The following LRP1B variants were observed in gnomAD, a reference collection of about 807,000 sequenced individuals.
The protein encoded by LRP1B is LDL receptor related protein 1B, also known as low-density lipoprotein receptor-related protein 1B.
A neutral mutation model predicts 556.6 loss-of-function variants in LRP1B; 217 were observed. The ratio of observed to expected loss-of-function variants is 0.39; its 90% CI spans 0.35 to 0.44. The LOEUF (loss-of-function observed/expected upper bound fraction) is 0.44, where lower values mean the gene tolerates loss of function less well. Among genes scored for constraint, LRP1B ranks in the 20% least tolerant of loss-of-function variants. The probability of loss-of-function intolerance (pLI) is 1.00; values close to 1 mark genes in which losing one functional copy is unlikely to be tolerated. For missense variants in LRP1B, 5,053 were observed against 5,620.8 expected (o/e 0.90, Z 3.23); for synonymous variants, 2,047 against 1,865.8 (o/e 1.10, Z -2.50).
chr2:141,274,676 T>G (rs180920658), intron 3 of LRP1B, among the ~76,000 whole-genome samples: 1 of 152,212 alleles, frequency 6.6e-6, no homozygotes, highest in East Asian at 1.9e-4. Flanking sequence ...TAGATTTTCA[T>G]ACTTCAGTTG....
At chr2:140,531,221 T>C (rs1310769875) in intron 47 of LRP1B, among the ~76,000 whole-genome samples, 1 of 152,144 alleles carries the variant, frequency 6.6e-6, no homozygotes, top group Non-Finnish European at 1.5e-5. Context: ...TTCCTGCACA[T>C]TCTTTCTTGA....
intron 32 of LRP1B, among the ~76,000 whole-genome samples, chr2:140,785,347 G>C (rs1467318675): frequency 6.6e-6 from 1 of 152,118 alleles, no homozygotes; most frequent in African/African-American, 2.4e-5. Flanking sequence ...AATTGAGAGA[G>C]AGGCAAAAGA....
chr2:141,092,611 A>C (rs1319563139), intron 7 of LRP1B, among the ~76,000 whole-genome samples: 1 of 152,182 alleles, frequency 6.6e-6, no homozygotes, highest in Non-Finnish European at 1.5e-5. Context: ...ATGAACCTAA[A>C]ATATTTCACA....
At chr2:141,984,640 G>C (rs1325431419) in intron 1 of LRP1B, among the ~76,000 whole-genome samples, 1 of 151,982 alleles carries the variant, frequency 6.6e-6, no homozygotes, top group Admixed American at 6.6e-5. Flanking sequence ...TTGCTATACT[G>C]ATATTTTAAG....
chr2:140,814,074 A>C (rs1691021859), intron 31 of LRP1B, among the ~76,000 whole-genome samples: 1 of 152,284 alleles, frequency 6.6e-6, no homozygotes, highest in Admixed American at 6.5e-5. Flanking sequence ...TCCCAGGCTC[A>C]TGCAATCCTC....
intron 2 of LRP1B, among the ~76,000 whole-genome samples, chr2:141,737,715 G>T (rs1443232637): frequency 6.6e-6 from 1 of 152,118 alleles, no homozygotes; most frequent in Non-Finnish European, 1.5e-5. Flanking sequence ...ATAGTGGATT[G>T]CTTGTAAATC....
At position 140,702,281 on chromosome 2, in the gene LRP1B, C is replaced by A. The variant is rs1686674300; in HGVS notation, c.6162G>T (p.Leu2054Phe). ...GISIDYEENK[L>F]YWCDARTDKI... The stretch of plus-strand genomic sequence containing the variant: ...TGTCTGTGCGAGCATCACACCAGTA[C>A]AATTTATTTTCCTAAATATCGATTA... Residue 2054 changes from leucine to phenylalanine, a missense_variant, in exon 39 of 91, where the codon TTG (leucine) becomes TTT (phenylalanine). Leu to Phe is a conservative substitution (Grantham distance 22, BLOSUM62 0). Coordinates refer to ENST00000389484, the MANE Select transcript of LRP1B (RefSeq NM_018557.3). 6.2e-7 allele frequency: 1 copy of A among 1,613,114 alleles called. No individual in the cohort carries two copies. The highest frequency in any genetic ancestry group is 8.5e-7 in the Non-Finnish European group (1 of 1,179,632).
chr2:140,996,844 C>T lies in LRP1B; in HGVS notation c.2504-2709G>A, dbSNP rs150791831. Among the ~76,000 whole-genome samples the T allele has an allele frequency of 3.5e-3, 536 of 152,016 alleles. 2 individuals carry two copies. The highest frequency in any genetic ancestry group is 0.01 in the Middle Eastern group (3 of 294). Reference sequence around the variant, plus strand: ...AGACAGAACGAAGAGAGTCAAAGTTCCACCTACACTCAAAAGAGTGAATAT... The same window carrying T: ...AGACAGAACGAAGAGAGTCAAAGTTTCACCTACACTCAAAAGAGTGAATAT... On this transcript the variant is annotated intron_variant, in intron 15 of 90. Transcript: ENST00000389484.
chr2:141,639,824 C>T (rs1574178415), intron 2 of LRP1B, among the ~76,000 whole-genome samples: 1 of 152,154 alleles, frequency 6.6e-6, no homozygotes, highest in African/African-American at 2.4e-5. Context: ...TTTTTTTACA[C>T]ATGTGTTTTA....
At chr2:140,861,863 A>T (rs191902709) in intron 27 of LRP1B, among the ~76,000 whole-genome samples, 1 of 152,302 alleles carries the variant, frequency 6.6e-6, no homozygotes, top group Admixed American at 6.5e-5. Context: ...GGCTAGTGTT[A>T]GCTTGAAACT....
intron 1 of LRP1B, among the ~76,000 whole-genome samples, chr2:141,932,034 C>T (rs543795484): frequency 6.6e-6 from 1 of 151,926 alleles, no homozygotes; most frequent in Admixed American, 6.6e-5. Context: ...AGCAAAGACA[C>T]AGCAGGTGGA....
At chr2:140,664,031 G>A (rs959921350) in intron 41 of LRP1B, among the ~76,000 whole-genome samples, 3 of 152,148 alleles carry the variant, frequency 2.0e-5, no homozygotes, top group Non-Finnish European at 4.4e-5. Flanking sequence ...GGACCAATAA[G>A]AACACACACT....
intron 32 of LRP1B, among the ~76,000 whole-genome samples, chr2:140,793,382 A>T (rs1275262122): frequency 6.6e-6 from 1 of 151,982 alleles, no homozygotes; most frequent in African/African-American, 2.4e-5. Flanking sequence ...ACTATATATT[A>T]TCGCAATATT....
chr2:140,373,399 G>A (rs904514652), intron 68 of LRP1B, among the ~76,000 whole-genome samples: 1 of 151,998 alleles, frequency 6.6e-6, no homozygotes, highest in Admixed American at 6.6e-5. Context: ...TGGCTCAGAT[G>A]CTAATATTTT....
In LRP1B at chr2:140,795,716, G is replaced by A. The variant is rs1690280234; in HGVS notation, c.5359+17941C>T. ...CATCTACCTAAGTCTAGATTGGGCT[G>A]AATAAAATTGCTGAGTAAAAAGGGC... On this transcript the variant is annotated intron_variant, in intron 32 of 90. Coordinates refer to ENST00000389484, the MANE Select transcript of LRP1B (RefSeq NM_018557.3). Among the ~76,000 whole-genome samples the A allele has an allele frequency of 2.0e-5, 3 of 151,994 alleles. No homozygotes were observed. The South Asian group carries it at 6.2e-4, about 31-fold the overall frequency.
intron 3 of LRP1B, among the ~76,000 whole-genome samples, chr2:141,414,250 A>G (rs1180882999): frequency 3.3e-5 from 5 of 150,660 alleles, no homozygotes; most frequent in African/African-American, 7.3e-5. Context: ...AAAAAAAAAA[A>G]AAAGAAAAAG....
intron 7 of LRP1B, among the ~76,000 whole-genome samples, chr2:141,131,642 C>A (rs527801811): frequency 2.0e-5 from 3 of 150,698 alleles, no homozygotes; most frequent in Admixed American, 2.0e-4. Flanking sequence ...ATTTAACTAT[C>A]TCTGAGGTGG....
At chr2:141,814,779 A>G (rs62155396) in intron 1 of LRP1B, among the ~76,000 whole-genome samples, 13,916 of 152,240 alleles carry the variant, frequency 0.091, 684 homozygotes, top group Non-Finnish European at 0.1. Flanking sequence ...GAAACAAAAG[A>G]GAACTGGGGC....
intron 3 of LRP1B, among the ~76,000 whole-genome samples, chr2:141,431,210 T>C (rs1052157680): frequency 6.9e-6 from 1 of 145,004 alleles, no homozygotes; most frequent in African/African-American, 2.5e-5. Flanking sequence ...AATGTAATCA[T>C]ATCAGCCCTC....
Sources: gnomAD v4.1 joint callset for allele counts (sites outside exome capture counted in the v4.1 genomes callset) on GRCh38, gnomAD v4.1.1 for gene constraint, MANE v1.5 for transcripts, NCBI Gene and HGNC (gene_info 2026-07-23, HGNC 2026-07-21) for gene names.